The following NAV2 variants were observed in gnomAD, a reference collection of about 807,000 sequenced individuals.
NAV2 encodes helicase, APC down-regulated 1.
A neutral mutation model predicts 223.2 loss-of-function variants in NAV2; 54 were observed. That is an observed-to-expected ratio of 0.24 (90% CI 0.19 to 0.30). The LOEUF (loss-of-function observed/expected upper bound fraction) is 0.30. Among genes scored for constraint, NAV2 ranks in the 10% least tolerant of loss-of-function variants. The pLI is 1.00. For synonymous variants in NAV2, 1,279 were observed against 1,239.3 expected, an observed-to-expected ratio of 1.03 and a Z score of -0.67; for missense variants, 2,806 against 3,147.5, an observed-to-expected ratio of 0.89 and a Z score of 2.60.
rs550374895 is a variant in NAV2, at chr11:20,074,163, T to C, written c.4984-3389T>C. On this transcript the variant is annotated intron_variant, in intron 22 of 37. Transcript: ENST00000349880. Reference sequence around the variant, plus strand: ...GTTCTCATTGGTTTCAAAGAACATCTTTATTTCTGCCTTCATTTCCTTATG... The same window carrying C: ...GTTCTCATTGGTTTCAAAGAACATCCTTATTTCTGCCTTCATTTCCTTATG... 2.0e-5 allele frequency among the ~76,000 whole-genome samples: 3 copies of C among 152,362 alleles called. No homozygotes were observed. The South Asian group carries it at 6.2e-4, about 32-fold the overall frequency.
At chr11:20,088,430 A>T (rs1360096869) in intron 26 of NAV2, among the ~76,000 whole-genome samples, 1 of 152,240 alleles carries the variant, frequency 6.6e-6, no homozygotes, top group East Asian at 1.9e-4. Context: ...CAGATGATCC[A>T]CCTGCCTCAG....
At chr11:19,421,971 G>T (rs12293325) in intron 1 of NAV2, among the ~76,000 whole-genome samples, 1 of 152,096 alleles carries the variant, frequency 6.6e-6, no homozygotes, top group Non-Finnish European at 1.5e-5. Context: ...GTGTCTCTGA[G>T]CAACAGGTTT....
intron 8 of NAV2, among the ~76,000 whole-genome samples, chr11:19,945,164 TCCC>T (rs1565615078): frequency 3.4e-4 from 5 of 14,730 alleles, no homozygotes; most frequent in Admixed American, 2.9e-3. Flanking sequence ...TCCCTTCCCT[TCCC>T]TTCCCTTCCC....
chr11:19,611,056 G>A (rs1470378118), intron 1 of NAV2, among the ~76,000 whole-genome samples: 3 of 152,306 alleles, frequency 2.0e-5, no homozygotes, highest in African/African-American at 7.2e-5. Flanking sequence ...ACATGGCTAG[G>A]GAAGCCTCAG....
intron 1 of NAV2, among the ~76,000 whole-genome samples, chr11:19,831,225 GGGGGGGGGGGGGCGCGA>G (rs2059914540): frequency 1.7e-5 from 1 of 59,914 alleles, no homozygotes; most frequent in Non-Finnish European, 3.7e-5. Context: ...GAGTGTTGCG[GGGGGGGGGGGGGCGCGA>G]TGGGGAGTGG....
Position 19,998,550 on chromosome 11 carries a change from G to GT in NAV2, c.2768+14303_2768+14304insT. Among the ~76,000 whole-genome samples the GT allele has an allele frequency of 6.6e-6, 1 of 152,166 alleles. No individual in the cohort carries two copies. Among genetic ancestry groups the GT allele is most frequent in the South Asian group, 2.1e-4 (1 of 4,828 alleles). ...CAGACTCCTTGCCGTGGCCTCCAAG[G>GT]GGGTGTGTGTTCTGGCCCCTGCGCA... On this transcript the variant is annotated intron_variant, in intron 11 of 37. Coordinates refer to ENST00000349880, the MANE Select transcript of NAV2 (RefSeq NM_145117.5). The surrounding 1 kb of genome is among the most constrained non-coding windows in gnomAD (Gnocchi z 5.0).
At chr11:19,535,374 G>A (rs1205145605) in intron 1 of NAV2, among the ~76,000 whole-genome samples, 1 of 152,144 alleles carries the variant, frequency 6.6e-6, no homozygotes, top group African/African-American at 2.4e-5. Context: ...ATAGCCTAGA[G>A]GAGGCCCAGG....
chr11:19,653,140 C>T (rs1005507003), intron 1 of NAV2, among the ~76,000 whole-genome samples: 3 of 152,154 alleles, frequency 2.0e-5, no homozygotes, highest in African/African-American at 7.2e-5. Flanking sequence ...GCATGTGACA[C>T]TTGGCACAAG....
chr11:19,675,465 A>C (rs974127174), intron 1 of NAV2, among the ~76,000 whole-genome samples: 1 of 152,160 alleles, frequency 6.6e-6, no homozygotes, highest in African/African-American at 2.4e-5. Flanking sequence ...GCCTGTGTCC[A>C]ACTATATGAG....
rs75331781 is a variant in NAV2 at position 19,973,395 on chromosome 11, C to A, written c.2646-10730C>A. 5.3e-3 allele frequency among the ~76,000 whole-genome samples: 812 copies of A among 152,298 alleles called. 7 individuals carry two copies. Among genetic ancestry groups the A allele is most frequent in the African/African-American group, 0.017 (707 of 41,552 alleles). ...AGGCTTGGGGAGCCGTAGCAGAAAT[C>A]GCAGGAATGATAAGACTTACCAGCC... On this transcript the variant is annotated intron_variant, in intron 10 of 37. Coordinates refer to ENST00000349880, the MANE Select transcript of NAV2 (RefSeq NM_145117.5).
At chr11:19,516,765 T>C (rs997782836) in intron 1 of NAV2, among the ~76,000 whole-genome samples, 49 of 152,218 alleles carry the variant, frequency 3.2e-4, no homozygotes, top group African/African-American at 1.1e-3. Flanking sequence ...TCCACCTGGA[T>C]GAGGACCTGA....
At chr11:19,872,060 G>C (rs1277002045) in intron 4 of NAV2, among the ~76,000 whole-genome samples, 2 of 152,284 alleles carry the variant, frequency 1.3e-5, no homozygotes, top group East Asian at 1.9e-4. Flanking sequence ...AATGTGAACT[G>C]CTGCATTCCT....
intron 1 of NAV2, among the ~76,000 whole-genome samples, chr11:19,574,687 T>C (rs898361925): frequency 1.3e-5 from 2 of 152,156 alleles, no homozygotes; most frequent in African/African-American, 4.8e-5. Flanking sequence ...CAAGACAAGG[T>C]TCCTGCTACC....
Position 19,552,960 on chromosome 11 carries a change from G to A in NAV2, c.75+201933G>A, listed in dbSNP as rs75007699. Among the ~76,000 whole-genome samples the A allele has an allele frequency of 4.1e-3, 624 of 152,264 alleles. 8 individuals are homozygous for A. Among genetic ancestry groups the A allele is most frequent in the African/African-American group, 0.014 (592 of 41,532 alleles). On this transcript the variant is annotated intron_variant, in intron 1 of 37. Transcript: ENST00000360655. ...TCCTTCTCAAGGCAGGGAAAGGAAC[G>A]CGTAAGCTGAAATTCTTTTTCTTGT...
chr11:19,567,197 C>T (rs892247193), intron 1 of NAV2, among the ~76,000 whole-genome samples: 1 of 152,164 alleles, frequency 6.6e-6, no homozygotes, highest in African/African-American at 2.4e-5. Flanking sequence ...TGACCGGGTG[C>T]AACTGGTTCT....
chr11:19,688,843 A>G (rs1430048874), intron 1 of NAV2, among the ~76,000 whole-genome samples: 2 of 152,200 alleles, frequency 1.3e-5, no homozygotes, highest in Non-Finnish European at 2.9e-5. Context: ...TTAGCCTGGG[A>G]TAGTCTCGGG....
intron 1 of NAV2, among the ~76,000 whole-genome samples, chr11:19,681,589 T>C (rs928412186): frequency 1.3e-5 from 2 of 152,202 alleles, no homozygotes; most frequent in African/African-American, 4.8e-5. Flanking sequence ...ACCAGTCTGA[T>C]GGGATTTAGC....
intron 1 of NAV2, among the ~76,000 whole-genome samples, chr11:19,439,367 C>T (rs1851321228): frequency 6.6e-6 from 1 of 152,032 alleles, no homozygotes; most frequent in Non-Finnish European, 1.5e-5. Flanking sequence ...AGGCTTAATA[C>T]CTGGGTGATG....
rs919172693 is a variant in NAV2, at chr11:20,100,959, C to T, written c.6204C>T (p.Asp2068=). ...CAGGGCTCGCAGAAAACAGCCTGGA[C>T]TCACTGGTGTTTGAGTCCTTGATTC... ...TVKGLAENSL[D]SLVFESLIPK... Residue 2068 remains aspartate, a synonymous_variant, in exon 32 of 38, where the codon GAC becomes GAT. Transcript: ENST00000349880. 3 of 1,614,144 alleles carry T rather than the reference C, an allele frequency of 1.9e-6. No homozygotes were observed. The highest frequency in any genetic ancestry group is 1.7e-5 in the Admixed American group (1 of 60,028).
Sources: allele counts gnomAD v4.1 joint callset (sites outside exome capture counted in the v4.1 genomes callset), GRCh38; gene constraint gnomAD v4.1.1; non-coding constraint Gnocchi (gnomAD v3.1); transcripts MANE v1.5; gene names NCBI Gene and HGNC (gene_info 2026-07-23, HGNC 2026-07-21).